DUOX1: variants seen among roughly 807,000 people sequenced by gnomAD.
DUOX1 encodes NADPH thyroid oxidase 1.
A neutral mutation model predicts 181.8 loss-of-function variants in DUOX1; 134 were observed. The observed-to-expected ratio is 0.74, with a 90% CI of 0.64 to 0.85. DUOX1 has a LOEUF of 0.85. Ranked by LOEUF, DUOX1 falls within the 40% of genes least tolerant of loss-of-function variation. The pLI is 0.00. For synonymous variants in DUOX1, 798 were observed against 832.5 expected, an observed-to-expected ratio of 0.96 and a Z score of 0.71; for missense variants, 1,814 against 2,064.4, an observed-to-expected ratio of 0.88 and a Z score of 2.35.
intron 15 of DUOX1, among the ~76,000 whole-genome samples, 187 bp downstream of exon 15, chr15:45,142,299 G>A (rs1896520027): frequency 1.3e-5 from 2 of 152,216 alleles, no homozygotes; most frequent in Admixed American, 1.3e-4. Flanking sequence ...CAGCTCCAGG[G>A]AGAATTGCCT....
chr15:45,147,907 C>T lies in DUOX1; in HGVS notation c.2552C>T (p.Ser851Phe), dbSNP rs1434822233. 2 of 1,613,812 alleles carry T rather than the reference C, an allele frequency of 1.2e-6. No homozygotes were observed. The highest frequency in any genetic ancestry group is 1.7e-6 in the Non-Finnish European group (2 of 1,179,796). Residue 851 changes from serine (S) to phenylalanine (F), a missense_variant, in exon 20 of 34, where the codon TCT becomes TTT. Physicochemically the swap from Ser to Phe is radical, Grantham distance 155 (BLOSUM62 -2). Transcript: ENST00000389037. ...LDILVVFMKG[S>F]PEEKSRLMFR... ...TATGGAGTCCTCCCTCTCCCAGGCT[C>T]TCCTGAGGAAAAGTCTCGCCTTATG...
chr15:45,133,987 G>C (rs757842170), intron 3 of DUOX1, 40 bp downstream of exon 3: 27 of 1,605,410 alleles, frequency 1.7e-5, no homozygotes, highest in Non-Finnish European at 2.3e-5. Flanking sequence ...CCAGGGCCAG[G>C]GGGGTACTGA....
At chr15:45,137,633 CTG>C (rs1243126589) in intron 9 of DUOX1, among the ~76,000 whole-genome samples, 3 of 151,760 alleles carry the variant, frequency 2.0e-5, no homozygotes, top group East Asian at 3.8e-4. Flanking sequence ...GTACATATAA[CTG>C]TGTATATATA....
chr15:45,139,264 GCTGGGAGC>G, intron 11 of DUOX1, 96 bp downstream of exon 11: 1 of 1,606,346 alleles, frequency 6.2e-7, no homozygotes, highest in Non-Finnish European at 8.5e-7. Flanking sequence ...GGTGCCTGGG[GCTGGGAGC>G]CTGCACTGCA....
At chr15:45,135,972 G>A (rs560003929) in intron 7 of DUOX1, 24 bp downstream of exon 7, 2 of 1,213,278 alleles carry the variant, frequency 1.6e-6, no homozygotes, top group Non-Finnish European at 1.1e-6. Context: ...GCCCCGCGAC[G>A]TCCTCCCTTC....
Position 45,161,722 on chromosome 15 carries a change from C to T in DUOX1, c.3857-16C>T, listed in dbSNP as rs751195143. On this transcript the variant is annotated splice_polypyrimidine_tract_variant and intron_variant, in intron 29 of 33. Transcript: ENST00000389037. ...GGGTTCAGGGCAGCAGCTTCTCACCCACCATCCCTCCCCAGGAGTGACCCA... is the reference window on the plus strand; with the variant it reads ...GGGTTCAGGGCAGCAGCTTCTCACCTACCATCCCTCCCCAGGAGTGACCCA... 1.9e-6 allele frequency: 3 copies of T among 1,611,600 alleles called. No individual in the cohort carries two copies. Among genetic ancestry groups the T allele is most frequent in the Non-Finnish European group, 1.7e-6 (2 of 1,179,052 alleles).
intron 33 of DUOX1, 122 bp downstream of exon 33, chr15:45,164,040 TG>T: frequency 7.0e-7 from 1 of 1,433,416 alleles, no homozygotes; most frequent in South Asian, 1.3e-5. Flanking sequence ...CCTGGGAGAT[TG>T]GTGGGGTAAT....
At chr15:45,153,562 T>C in intron 26 of DUOX1, 83 bp downstream of exon 26, 1 of 1,310,380 alleles carries the variant, frequency 7.6e-7, no homozygotes, top group South Asian at 1.2e-5. Flanking sequence ...TGGGGAGGAT[T>C]CCTTTTGGGT....
intron 17 of DUOX1, 97 bp downstream of exon 17, chr15:45,144,332 G>A: frequency 7.6e-7 from 1 of 1,310,778 alleles, no homozygotes; most frequent in Non-Finnish European, 1.1e-6. Context: ...GGCAGGAAAT[G>A]ATAGTTACTG....
intron 4 of DUOX1, 79 bp downstream of exon 4, chr15:45,134,388 G>A: frequency 6.9e-7 from 1 of 1,457,938 alleles, no homozygotes; most frequent in Non-Finnish European, 9.2e-7. Flanking sequence ...GTCAGAGGAT[G>A]AGAGAGAAGT....
chr15:45,154,598 T>TG (rs1896921491), intron 27 of DUOX1, among the ~76,000 whole-genome samples: 1 of 151,270 alleles, frequency 6.6e-6, no homozygotes. Flanking sequence ...CAGCATGGTT[T>TG]TTTTTTTTTT....
Position 45,139,560 on chromosome 15 carries a change from G to A in DUOX1, c.1350G>A (p.Trp450Ter). The change falls in exon 12 of 34, where the codon TGG becomes TGA. Residue 450 changes from tryptophan to a stop codon, truncating the protein, a stop_gained. Transcript: ENST00000389037. LOFTEE classifies it high-confidence loss of function. Reference protein sequence around the residue: ...AALGLSPITRWQDINPALSRS... With the variant: ...AALGLSPITR ...TGGGCTTGTCTCCCATTACCCGCTG[G>A]CAGGACATCAACCCTGCACTCTCCC... is the stretch of plus-strand genomic sequence containing the variant. 6.2e-7 allele frequency: 1 copy of A among 1,611,012 alleles called. No individual in the cohort carries two copies. The highest frequency in any genetic ancestry group is 8.5e-7 in the Non-Finnish European group (1 of 1,178,674).
rs35506541 is a variant in DUOX1 at position 45,161,415 on chromosome 15, C to CAA, written c.3857-299_3857-298dup. ...GCCTGGCAACAGAGTGAGACTGTGT[C>CAA]AAAAAAAAAAAAAAAAAAAAAAAAA... On this transcript the variant is annotated intron_variant, in intron 29 of 33. Coordinates refer to ENST00000389037, the MANE Select transcript of DUOX1 (RefSeq NM_175940.3). Among the ~76,000 whole-genome samples the CAA allele has an allele frequency of 4.6e-3, 221 of 48,214 alleles. 9 individuals carry two copies. The highest frequency in any genetic ancestry group is 0.02 in the Middle Eastern group (1 of 50). 31.6% of individuals were successfully genotyped at this position (48,214 alleles called of 152,430 possible). A position where few individuals can be genotyped will look rare whatever the true frequency, so the allele number is the denominator to read the frequency against.
intron 14 of DUOX1, 51 bp from the exon 15 acceptor site, chr15:45,141,924 C>A: frequency 6.4e-7 from 1 of 1,572,048 alleles, no homozygotes; most frequent in Non-Finnish European, 8.6e-7. Context: ...TGATCCTGTG[C>A]CAGCACCTGT....
rs1896227512 is a variant in DUOX1 at position 45,134,232 on chromosome 15, A to G, written c.230A>G (p.Asp77Gly). The G allele has an allele frequency of 4.4e-6, 7 of 1,580,380 alleles. No homozygotes were observed. In the Middle Eastern group the frequency reaches 6.8e-4, roughly 154 times the overall value. The change falls in exon 4 of 34, where the codon GAC becomes GGC. Residue 77 changes from aspartate to glycine, a missense_variant. Asp to Gly is a moderately conservative substitution (Grantham distance 94, BLOSUM62 -1). Around this residue, in one of 5 missense-constraint regions of DUOX1, gnomAD observed 320 missense variants for 313.1 expected, o/e 1.02. Coordinates refer to ENST00000389037, the MANE Select transcript of DUOX1 (RefSeq NM_175940.3). ...GAACCCCACCTGCCCAACCCCCGAG[A>G]CCTTAGCAACACCATCTCAAGGGGC... Reference protein sequence around the residue: ...LGEPHLPNPRDLSNTISRGPA... With the variant: ...LGEPHLPNPRGLSNTISRGPA...
chr15:45,154,034 CCTGA>C (rs1896905852), intron 27 of DUOX1, 34 bp downstream of exon 27: 1 of 1,605,576 alleles, frequency 6.2e-7, no homozygotes. Context: ...AATTTCTGGA[CCTGA>C]CTGTGAGTTC....
At chr15:45,163,401 C>T (rs940489736) in intron 31 of DUOX1, 131 bp from the exon 32 acceptor site, 32 of 1,357,796 alleles carry the variant, frequency 2.4e-5, no homozygotes, top group Non-Finnish European at 3.2e-5. Context: ...CCCATACACT[C>T]CATCTCCCCA....
intron 16 of DUOX1, 100 bp downstream of exon 16, chr15:45,143,403 T>G: frequency 3.3e-6 from 3 of 915,106 alleles, no homozygotes; most frequent in Non-Finnish European, 5.1e-6. Flanking sequence ...GCCTCCCTTT[T>G]CTAGGACTGT....
At chr15:45,140,781 A>T in intron 12 of DUOX1, 114 bp from the exon 13 acceptor site, 1 of 1,040,842 alleles carries the variant, frequency 9.6e-7, no homozygotes, top group East Asian at 2.4e-5. Context: ...GGAGTGAGTT[A>T]CTGTTACTGT....
Sources: allele counts gnomAD v4.1 joint callset (sites outside exome capture counted in the v4.1 genomes callset), GRCh38; gene constraint gnomAD v4.1.1; regional missense constraint gnomAD v4.1.1; transcripts MANE v1.5; gene names NCBI Gene and HGNC (gene_info 2026-07-23, HGNC 2026-07-21).